RAB3C: variants seen among roughly 807,000 people sequenced by gnomAD.
RAB3C encodes the protein RAB3C, member RAS oncogene family.
In RAB3C, 17 loss-of-function variants were observed where a neutral mutation model predicts 26.4. That is an observed-to-expected ratio of 0.64 (90% CI 0.44 to 0.97). The LOEUF (loss-of-function observed/expected upper bound fraction) is 0.97. RAB3C is among the 50% of genes least tolerant of loss of function. The probability of loss-of-function intolerance (pLI) is 0.00; values close to 1 mark genes in which losing one functional copy is unlikely to be tolerated. For synonymous variants in RAB3C, 91 were observed against 95.9 expected, an observed-to-expected ratio of 0.95 and a Z score of 0.30; for missense variants, 242 against 281.9, an observed-to-expected ratio of 0.86 and a Z score of 1.01.
At chr5:58,649,608 G>A (rs1436840557) in intron 2 of RAB3C, among the ~76,000 whole-genome samples, 1 of 151,882 alleles carries the variant, frequency 6.6e-6, no homozygotes, top group Non-Finnish European at 1.5e-5. Context: ...CCCAGAGGAG[G>A]CTCCAAGGCA....
At chr5:58,850,271 A>C (rs1744086774) in intron 4 of RAB3C, among the ~76,000 whole-genome samples, 1 of 152,240 alleles carries the variant, frequency 6.6e-6, no homozygotes. Flanking sequence ...ACTTCTTAAC[A>C]ATCTCTGGCA....
intron 3 of RAB3C, among the ~76,000 whole-genome samples, chr5:58,748,801 G>A (rs1295550672): frequency 6.6e-6 from 1 of 152,194 alleles, no homozygotes; most frequent in Non-Finnish European, 1.5e-5. Flanking sequence ...AGTGGTTGCA[G>A]TCAGTGGCTA....
rs1325830923 is a variant in RAB3C, at chr5:58,845,630, GTA to G, written c.497-5530_497-5529del. ...TATATATATGTGTGTGTGTGTGTGTGTATATGTATATATACATATATATACAT... is the reference window on the plus strand; with the variant it reads ...TATATATATGTGTGTGTGTGTGTGTGTATGTATATATACATATATATACAT... On this transcript the variant is annotated intron_variant, in intron 4 of 4. Transcript: ENST00000282878. Among the ~76,000 whole-genome samples, 38 of 89,832 alleles carry G rather than the reference GTA, an allele frequency of 4.2e-4. 1 individual carries two copies. The highest frequency in any genetic ancestry group is 1.1e-3 in the East Asian group (5 of 4,496). 58.9% of individuals were successfully genotyped at this position (89,832 alleles called of 152,430 possible).
At chr5:58,786,073 T>G (rs1045458961) in intron 3 of RAB3C, among the ~76,000 whole-genome samples, 2 of 152,130 alleles carry the variant, frequency 1.3e-5, no homozygotes, top group African/African-American at 4.8e-5. Context: ...GTCAGACTTT[T>G]AGACCTACAG....
At chr5:58,763,372 T>C (rs760772385) in intron 3 of RAB3C, among the ~76,000 whole-genome samples, 3 of 152,204 alleles carry the variant, frequency 2.0e-5, no homozygotes, top group African/African-American at 7.2e-5. Context: ...TGGTATTACA[T>C]GTTCTCTAAG....
chr5:58,637,670 T>C (rs929993738), intron 2 of RAB3C, among the ~76,000 whole-genome samples: 1 of 152,154 alleles, frequency 6.6e-6, no homozygotes. Flanking sequence ...AATACTGAAG[T>C]AGATTTTTTG....
chr5:58,816,116 A>G (rs1354292692), intron 3 of RAB3C, among the ~76,000 whole-genome samples: 11 of 152,186 alleles, frequency 7.2e-5, no homozygotes, highest in Admixed American at 7.2e-4. Context: ...ACACAGCTAA[A>G]CTTTGGGCCC....
intron 4 of RAB3C, among the ~76,000 whole-genome samples, chr5:58,828,901 C>A (rs1219559757): frequency 8.2e-6 from 1 of 122,446 alleles, no homozygotes; most frequent in Non-Finnish European, 1.7e-5. Flanking sequence ...TTTTACCATG[C>A]TTTTTTTTTT....
intron 4 of RAB3C, among the ~76,000 whole-genome samples, chr5:58,842,440 T>A (rs539323891): frequency 6.8e-4 from 103 of 152,356 alleles, no homozygotes; most frequent in African/African-American, 2.5e-3. Flanking sequence ...CTTTGATGCC[T>A]GTAGGCACCT....
At chr5:58,592,152 G>A (rs1262668221) in intron 1 of RAB3C, among the ~76,000 whole-genome samples, 3 of 151,980 alleles carry the variant, frequency 2.0e-5, no homozygotes, top group Admixed American at 2.0e-4. Context: ...ACCTGCGTCG[G>A]CCTCCTAAAG....
intron 4 of RAB3C, among the ~76,000 whole-genome samples, chr5:58,834,732 A>G (rs1743697863): frequency 2.6e-5 from 4 of 152,230 alleles, no homozygotes; most frequent in Admixed American, 2.0e-4. Flanking sequence ...CCCAGGAGGT[A>G]TAAACTAAAC....
In RAB3C at chr5:58,700,385, A is replaced by C. The variant is rs188174697; in HGVS notation, c.253-25617A>C. ...ATGAGGGGGATGGCGAGAAGCAAAG[A>C]ATGCATTTTGTGTGTGTGCATGATA... is the stretch of plus-strand genomic sequence containing the variant. On this transcript the variant is annotated intron_variant, in intron 2 of 4. Coordinates refer to ENST00000282878, the MANE Select transcript of RAB3C (RefSeq NM_138453.4). Among the ~76,000 whole-genome samples, 217 of 152,330 alleles carry C rather than the reference A, an allele frequency of 1.4e-3. 1 individual carries two copies. Among genetic ancestry groups the C allele is most frequent in the African/African-American group, 4.9e-3 (204 of 41,566 alleles).
intron 2 of RAB3C, among the ~76,000 whole-genome samples, chr5:58,671,997 T>C (rs1233843561): frequency 1.3e-5 from 2 of 152,276 alleles, no homozygotes; most frequent in East Asian, 3.9e-4. Context: ...TCAGGTACTC[T>C]TCATTCATCT....
At chr5:58,646,763 A>G (rs577140261) in intron 2 of RAB3C, among the ~76,000 whole-genome samples, 2 of 152,258 alleles carry the variant, frequency 1.3e-5, no homozygotes, top group Non-Finnish European at 2.9e-5. Context: ...AGCCGGCCCC[A>G]TGCATCTCTA....
chr5:58,733,739 T>A (rs1007342770), intron 3 of RAB3C, among the ~76,000 whole-genome samples: 1 of 152,216 alleles, frequency 6.6e-6, no homozygotes, highest in Admixed American at 6.5e-5. Context: ...GTTTCTCAAA[T>A]GGGTTGTGAC....
intron 2 of RAB3C, among the ~76,000 whole-genome samples, chr5:58,632,189 A>G (rs1239874147): frequency 6.6e-6 from 1 of 152,224 alleles, no homozygotes; most frequent in Non-Finnish European, 1.5e-5. Context: ...GGCTGTAGAA[A>G]CTAGAAGCCT....
At chr5:58,805,603 A>AAAAAAAAAG (rs10691454) in intron 3 of RAB3C, among the ~76,000 whole-genome samples, 5 of 132,934 alleles carry the variant, frequency 3.8e-5, no homozygotes, top group Admixed American at 8.4e-5. Context: ...AAAAAAAAAA[A>AAAAAAAAAG]AGAGAGAGAG....
intron 1 of RAB3C, among the ~76,000 whole-genome samples, chr5:58,597,020 A>AT (rs371478814): frequency 1.1e-4 from 1 of 8,894 alleles, no homozygotes; most frequent in Non-Finnish European, 1.8e-4. Flanking sequence ...AATATATAAT[A>AT]ATATAATACA....
upstream of RAB3C, chr5:58,582,978 G>C (rs1745932174): frequency 2.4e-6 from 3 of 1,232,576 alleles, no homozygotes; most frequent in Non-Finnish European, 3.2e-6. Context: ...CCGCTCGCCC[G>C]TTTGCCGGGA....
Sources: allele counts gnomAD v4.1 joint callset (sites outside exome capture counted in the v4.1 genomes callset), GRCh38; gene constraint gnomAD v4.1.1; transcripts MANE v1.5; gene names NCBI Gene and HGNC (gene_info 2026-07-23, HGNC 2026-07-21).